The following DCX variants were observed in gnomAD, a reference collection of about 807,000 sequenced individuals.
The protein encoded by DCX is neuronal migration protein doublecortin.
A neutral mutation model predicts 20.9 loss-of-function variants in DCX; 4 were observed. The ratio of observed to expected loss-of-function variants is 0.19; its 90% CI spans 0.09 to 0.44. The LOEUF is 0.44. DCX is among the 20% of genes least tolerant of loss of function. The pLI is 0.99. For missense variants in DCX, 133 were observed against 296.9 expected, an observed-to-expected ratio of 0.45 and a Z score of 4.06; for synonymous variants, 103 against 111.4, an observed-to-expected ratio of 0.92 and a Z score of 0.47.
intron 3 of DCX, among the ~76,000 whole-genome samples, chrX:111,338,021 A>G (rs1921888216): frequency 8.9e-6 from 1 of 112,299 alleles, no homozygotes; most frequent in Non-Finnish European, 1.9e-5. Flanking sequence ...TTCACAGAGA[A>G]AAACTGAGTC....
intron 5 of DCX, among the ~76,000 whole-genome samples, chrX:111,326,513 T>G (rs1408083394): frequency 8.9e-6 from 1 of 111,913 alleles, no homozygotes. Flanking sequence ...TGGCACTGCA[T>G]AAGCTTTTTT....
At chrX:111,332,171 T>C (rs1921311702) in intron 4 of DCX, among the ~76,000 whole-genome samples, 1 of 112,605 alleles carries the variant, frequency 8.9e-6, no homozygotes, top group Non-Finnish European at 1.9e-5. Context: ...GTTTCACTTC[T>C]TGTTTTGGTT....
intron 2 of DCX, 139 bp downstream of exon 2, chrX:111,409,896 G>GAAC: frequency 1.2e-6 from 1 of 807,084 alleles, no homozygotes; most frequent in Non-Finnish European, 1.8e-6. Flanking sequence ...GATGTCTATA[G>GAAC]CATTAGAAAT....
At chrX:111,387,713 T>C (rs1349721677) in intron 3 of DCX, among the ~76,000 whole-genome samples, 2 of 111,829 alleles carry the variant, frequency 1.8e-5, no homozygotes, top group Admixed American at 9.5e-5. Context: ...TAAATATTTA[T>C]ATACGACTTC....
chrX:111,306,442 G>A (rs543069148), intron 6 of DCX, among the ~76,000 whole-genome samples: 1 of 111,187 alleles, frequency 9.0e-6, no homozygotes, highest in African/African-American at 3.3e-5. Context: ...AAAAACTGAT[G>A]GAATTGAAAG....
intron 2 of DCX, among the ~76,000 whole-genome samples, chrX:111,408,939 C>T (rs1569498257): frequency 9.0e-6 from 1 of 111,385 alleles, no homozygotes; most frequent in Non-Finnish European, 1.9e-5. Flanking sequence ...ATTTCTCCTT[C>T]CTTGTTAGTT....
At position 111,408,686 on chromosome X, in the gene DCX, GAAAGA is replaced by G. The variant is rs750136326; in HGVS notation, c.364+1344_364+1348del. ...AGAAAGAAAGAAAGAAAGAAAGAAA[GAAAGA>G]AAGGAAGGAAGTCGAACTTGAACCT... is the stretch of plus-strand genomic sequence containing the variant. On this transcript the variant is annotated intron_variant, in intron 2 of 6. Transcript: ENST00000636035. Among the ~76,000 whole-genome samples the G allele has an allele frequency of 1.6e-4, 18 of 110,085 alleles. 1 individual carries two copies. Among genetic ancestry groups the G allele is most frequent in the African/African-American group, 4.0e-4 (12 of 30,162 alleles).
chrX:111,410,415 A>T lies in DCX; in HGVS notation c.-17T>A. On this transcript the variant is annotated 5_prime_UTR_variant, in exon 2 of 7. Transcript: ENST00000636035. The stretch of plus-strand genomic sequence containing the variant: ...AAGTTCCATATTTTGGTGGAACCTC[A>T]GAGACCTGAGCGTGGGAGAAAGGGA... 1.7e-6 allele frequency: 2 copies of T among 1,210,236 alleles called. No individual in the cohort carries two copies. The highest frequency in any genetic ancestry group is 2.2e-6 in the Non-Finnish European group (2 of 895,430).
At chrX:111,403,527 C>T (rs1436413946) in intron 2 of DCX, among the ~76,000 whole-genome samples, 2 of 111,165 alleles carry the variant, frequency 1.8e-5, no homozygotes, top group Non-Finnish European at 3.8e-5. Context: ...TGAGCACCTT[C>T]CAGTGGTACA....
At chrX:111,318,929 T>C (rs2095080365) in intron 5 of DCX, among the ~76,000 whole-genome samples, 1 of 111,725 alleles carries the variant, frequency 9.0e-6, no homozygotes, top group Non-Finnish European at 1.9e-5. Flanking sequence ...AATGTGCACA[T>C]GTATCCCTGA....
At chrX:111,341,017 G>A (rs938145382) in intron 3 of DCX, among the ~76,000 whole-genome samples, 2 of 110,889 alleles carry the variant, frequency 1.8e-5, no homozygotes, top group Non-Finnish European at 3.8e-5. Flanking sequence ...TAGAAGGAGG[G>A]TAAGACTGAC....
intron 6 of DCX, 62 bp from the exon 7 acceptor site, chrX:111,301,805 T>C (rs2095034837): frequency 9.7e-7 from 1 of 1,036,129 alleles, no homozygotes; most frequent in Non-Finnish European, 1.3e-6. Context: ...CTCTGGAATG[T>C]CTGCTTTAGT....
In DCX at chrX:111,296,738, A is replaced by C. The variant is rs975502028; in HGVS notation, c.*4949T>G. 4.8e-5 allele frequency: 5 copies of C among 104,692 alleles called. No homozygotes were observed. Among genetic ancestry groups the C allele is most frequent in the African/African-American group, 1.8e-4 (5 of 28,031 alleles). The allele number at this position is 104,692 out of a possible 1,213,427, so 8.6% of individuals were successfully genotyped here. A position where few individuals can be genotyped will look rare whatever the true frequency, so the allele number is the denominator to read the frequency against. ...AGCCAAGATTGTGCCACTGCACTCC[A>C]GCCTAGGTGACAGAGGGAGACTCAG... On this transcript the variant is annotated 3_prime_UTR_variant, in exon 7 of 7. Transcript: ENST00000636035.
In DCX at chrX:111,333,169, A is replaced by C. The variant is rs760120517; in HGVS notation, c.706-16T>G. 1.8e-6 allele frequency: 2 copies of C among 1,117,298 alleles called. No individual in the cohort carries two copies. Among genetic ancestry groups the C allele is most frequent in the South Asian group, 3.7e-5 (2 of 54,025 alleles). 92.1% of individuals were successfully genotyped at this position (1,117,298 alleles called of 1,213,427 possible). ...GACAAGTTACCTATGGAGAAAGCAG[A>C]AACACTGATTGTATATGATGGTCCT... On this transcript the variant is annotated splice_polypyrimidine_tract_variant and intron_variant, in intron 3 of 6. Transcript: ENST00000636035.
At chrX:111,373,421 G>T (rs1485640288) in intron 3 of DCX, among the ~76,000 whole-genome samples, 1 of 112,042 alleles carries the variant, frequency 8.9e-6, no homozygotes, top group African/African-American at 3.2e-5. Context: ...TTTGCCTGTG[G>T]ATACCTTGAC....
At chrX:111,334,342 G>A (rs1275621360) in intron 3 of DCX, among the ~76,000 whole-genome samples, 1 of 111,511 alleles carries the variant, frequency 9.0e-6, no homozygotes, top group Non-Finnish European at 1.9e-5. Flanking sequence ...GGACTGCAGG[G>A]TCACTCTCAT....
At chrX:111,404,454 G>A (rs975017940) in intron 2 of DCX, among the ~76,000 whole-genome samples, 17 of 112,198 alleles carry the variant, frequency 1.5e-4, no homozygotes, top group Admixed American at 1.5e-3. Context: ...TGCCTCTGCA[G>A]AGGCCCGCTG....
chrX:111,368,242 C>G (rs1924784042), intron 3 of DCX, among the ~76,000 whole-genome samples: 1 of 111,653 alleles, frequency 9.0e-6, no homozygotes, highest in South Asian at 3.8e-4. Flanking sequence ...CAGGGGTTCT[C>G]CCTCTGTGGT....
chrX:111,386,493 C>T (rs756260905), intron 3 of DCX, among the ~76,000 whole-genome samples: 3 of 111,097 alleles, frequency 2.7e-5, no homozygotes, highest in African/African-American at 6.5e-5. Flanking sequence ...GTGTCTAATC[C>T]CAACCACCAC....
Sources: gnomAD v4.1 joint callset for allele counts (sites outside exome capture counted in the v4.1 genomes callset) on GRCh38, gnomAD v4.1.1 for gene constraint, MANE v1.5 for transcripts, NCBI Gene and HGNC (gene_info 2026-07-23, HGNC 2026-07-21) for gene names.